Variants in PRKD1 observed in about 807,000 individuals in gnomAD.
PRKD1 encodes protein kinase D1.
In PRKD1, 63 loss-of-function variants were observed where a neutral mutation model predicts 95.9. The ratio of observed to expected loss-of-function variants is 0.66; its 90% CI spans 0.54 to 0.81. PRKD1 has a LOEUF of 0.81. Ranked by LOEUF, PRKD1 falls within the 30% of genes least tolerant of loss-of-function variation. PRKD1 has a pLI of 0.00. For synonymous variants in PRKD1, 425 were observed against 423.1 expected (o/e 1.00, Z -0.05); for missense variants, 1,048 against 1,165.3 (o/e 0.90, Z 1.47).
chr14:29,648,865 A>G (rs927210584), intron 4 of PRKD1, among the ~76,000 whole-genome samples: 2 of 152,154 alleles, frequency 1.3e-5, no homozygotes, highest in Non-Finnish European at 1.5e-5. Context: ...CGTGTTAGCC[A>G]GGATGGTCTC....
At chr14:29,776,619 A>G (rs953973708) in intron 1 of PRKD1, among the ~76,000 whole-genome samples, 3 of 152,206 alleles carry the variant, frequency 2.0e-5, no homozygotes, top group Non-Finnish European at 2.9e-5. Flanking sequence ...AAATGAATAA[A>G]GCGTCCAAGA....
intron 1 of PRKD1, among the ~76,000 whole-genome samples, chr14:29,802,869 C>T (rs143732034): frequency 1.3e-5 from 2 of 152,220 alleles, no homozygotes; most frequent in Non-Finnish European, 2.9e-5. Flanking sequence ...ACATCACTCA[C>T]TCTAAGTTAG....
At chr14:29,918,540 G>C (rs971042170) in intron 1 of PRKD1, among the ~76,000 whole-genome samples, 2 of 152,096 alleles carry the variant, frequency 1.3e-5, no homozygotes, top group African/African-American at 4.8e-5. Context: ...CACAAGTGGT[G>C]ACCCTTTAAT....
intron 1 of PRKD1, among the ~76,000 whole-genome samples, chr14:29,841,510 G>A (rs554349067): frequency 7.2e-5 from 11 of 152,158 alleles, no homozygotes; most frequent in South Asian, 6.2e-4. Flanking sequence ...TAAGTCTCAC[G>A]AGATCTAATG....
chr14:29,805,459 C>T (rs1366637908), intron 1 of PRKD1, among the ~76,000 whole-genome samples: 1 of 152,034 alleles, frequency 6.6e-6, no homozygotes, highest in African/African-American at 2.4e-5. Flanking sequence ...TAGGTGTTGC[C>T]AGAAAAATAG....
chr14:29,919,242 T>C (rs1342769949), intron 1 of PRKD1, among the ~76,000 whole-genome samples: 1 of 152,234 alleles, frequency 6.6e-6, no homozygotes, highest in Admixed American at 6.5e-5. Context: ...ATATCAATTG[T>C]CTGGCTTAAG....
At chr14:29,828,057 AC>A (rs1891266959) in intron 1 of PRKD1, among the ~76,000 whole-genome samples, 1 of 151,988 alleles carries the variant, frequency 6.6e-6, no homozygotes, top group African/African-American at 2.4e-5. Flanking sequence ...TCTTCCTCTC[AC>A]CCAATTTCAT....
intron 1 of PRKD1, among the ~76,000 whole-genome samples, chr14:29,839,406 C>T (rs1403605951): frequency 2.0e-5 from 3 of 152,200 alleles, no homozygotes; most frequent in African/African-American, 7.2e-5. Flanking sequence ...AAAGCAATGG[C>T]TACCAAGAAG....
chr14:29,918,277 T>C (rs930722424), intron 1 of PRKD1, among the ~76,000 whole-genome samples: 1 of 152,114 alleles, frequency 6.6e-6, no homozygotes, highest in Non-Finnish European at 1.5e-5. Context: ...AGAAAGAATC[T>C]TGTAGGATCA....
chr14:29,889,667 C>G (rs1015053795), intron 1 of PRKD1, among the ~76,000 whole-genome samples: 9 of 152,282 alleles, frequency 5.9e-5, no homozygotes, highest in Non-Finnish European at 1.2e-4. Flanking sequence ...CATGTTCTCA[C>G]TCATAAGTGG....
At chr14:29,807,964 C>T (rs969768381) in intron 1 of PRKD1, among the ~76,000 whole-genome samples, 3 of 152,030 alleles carry the variant, frequency 2.0e-5, no homozygotes, top group Admixed American at 6.5e-5. Context: ...TCAAGTGATT[C>T]GCCCGCCTTG....
chr14:29,810,552 C>A (rs1353889310), intron 1 of PRKD1, among the ~76,000 whole-genome samples: 1 of 152,208 alleles, frequency 6.6e-6, no homozygotes, highest in African/African-American at 2.4e-5. Flanking sequence ...AGACACAAAT[C>A]ATATCCCTTT....
rs569021972 is a variant in PRKD1, at chr14:29,858,901, A to G, written c.264+68348T>C. 2.6e-5 allele frequency among the ~76,000 whole-genome samples: 4 copies of G among 152,282 alleles called. No homozygotes were observed. In the South Asian group the frequency reaches 6.2e-4, roughly 24 times the overall value. ...ACCTATTGCACCTATAAGTGTCTGT[A>G]AGTCACTTCCCCTGGCACCATCTGC... On this transcript the variant is annotated intron_variant, in intron 1 of 17. Transcript: ENST00000331968.
chr14:29,855,683 T>C (rs888148261), intron 1 of PRKD1, among the ~76,000 whole-genome samples: 15 of 152,192 alleles, frequency 9.9e-5, no homozygotes, highest in Non-Finnish European at 2.2e-4. Context: ...ACTCTCATCT[T>C]GTAGCTCCCA....
At chr14:29,733,632 T>A (rs762515753) in intron 1 of PRKD1, among the ~76,000 whole-genome samples, 3 of 152,118 alleles carry the variant, frequency 2.0e-5, no homozygotes, top group African/African-American at 7.2e-5. Context: ...GGAGAATTGC[T>A]GAGTGAAGGG....
chr14:29,636,398 T>C lies in PRKD1; in HGVS notation c.1082A>G (p.Glu361Gly). Residue 361 changes from glutamate to glycine, a missense_variant, in exon 7 of 18, where the codon GAA becomes GGA. Glu to Gly is a moderately conservative substitution (Grantham distance 98). Around this residue, in one of 3 missense-constraint regions of PRKD1, gnomAD observed 739 missense variants for 861.9 expected, o/e 0.86. Coordinates refer to ENST00000331968, the MANE Select transcript of PRKD1 (RefSeq NM_002742.3). ...ERNSGLMDDM[E>G]EAMVQDAEMA... ...CTCTGCATCTTGGACCATTGCTTCT[T>C]CCATATCATCCATGAGCCCACTGTT... 6.2e-7 allele frequency: 1 copy of C among 1,614,154 alleles called. No individual in the cohort carries two copies. The highest frequency in any genetic ancestry group is 8.5e-7 in the Non-Finnish European group (1 of 1,180,036).
intron 1 of PRKD1, among the ~76,000 whole-genome samples, chr14:29,830,563 G>T (rs1270006647): frequency 6.6e-6 from 1 of 151,914 alleles, no homozygotes; most frequent in Non-Finnish European, 1.5e-5. Context: ...TTAAGAAAGG[G>T]TATGGTTCAA....
rs770234442 is a variant in PRKD1, at chr14:29,663,696, T to C, written c.696+3A>G. ...GGGGAAGTGGGTAAACAGGAAGCCATACCAGAAGGGGCTCATCAGGGGCAC... is the reference window on the plus strand; with the variant it reads ...GGGGAAGTGGGTAAACAGGAAGCCACACCAGAAGGGGCTCATCAGGGGCAC... On this transcript the variant is annotated splice_donor_region_variant and intron_variant, in intron 4 of 17. Coordinates refer to ENST00000331968, the MANE Select transcript of PRKD1 (RefSeq NM_002742.3). 3 of 1,613,298 alleles carry C rather than the reference T, an allele frequency of 1.9e-6. No individual in the cohort carries two copies. The highest frequency in any genetic ancestry group is 2.5e-6 in the Non-Finnish European group (3 of 1,179,560).
chr14:29,756,369 A>C (rs550125347), intron 1 of PRKD1, among the ~76,000 whole-genome samples: 1 of 152,278 alleles, frequency 6.6e-6, no homozygotes, highest in South Asian at 2.1e-4. Context: ...ATCAAAATTT[A>C]CTCAGTCATG....
Sources: allele counts gnomAD v4.1 joint callset (sites outside exome capture counted in the v4.1 genomes callset), GRCh38; gene constraint gnomAD v4.1.1; regional missense constraint gnomAD v4.1.1; transcripts MANE v1.5; gene names NCBI Gene and HGNC (gene_info 2026-07-23, HGNC 2026-07-21).